Variants in NUP188 observed in about 807,000 individuals in gnomAD.
NUP188 encodes the protein nucleoporin NUP188.
In NUP188, 97 loss-of-function variants were observed where a neutral mutation model predicts 223.0. That is an observed-to-expected ratio of 0.43 (90% confidence interval 0.37 to 0.51). NUP188 has a LOEUF of 0.51. NUP188 is among the 20% of genes least tolerant of loss of function. The pLI is 0.00. For synonymous variants in NUP188, 869 were observed against 828.0 expected (o/e 1.05, Z -0.85); for missense variants, 1,947 against 2,175.6 (o/e 0.89, Z 2.09).
chr9:128,996,040 T>G lies in NUP188; in HGVS notation c.3351+526T>G, dbSNP rs1015092233. Among the ~76,000 whole-genome samples, 14 of 152,118 alleles carry G rather than the reference T, an allele frequency of 9.2e-5. No individual in the cohort carries two copies. In the East Asian group the frequency reaches 1.9e-3, roughly 21 times the overall value. ...GGGAGTTGGTTTTGAGAGAGAGAGA[T>G]AACATCTGGAAGAAATGCATTGTTC... On this transcript the variant is annotated intron_variant, in intron 30 of 43. Transcript: ENST00000372577.
chr9:128,994,105 T>C (rs1272350448), intron 27 of NUP188, among the ~76,000 whole-genome samples: 2 of 152,208 alleles, frequency 1.3e-5, no homozygotes, highest in Non-Finnish European at 2.9e-5. Context: ...TCCCTCCTCT[T>C]CTGTGGGGCT....
rs1367056873 is a variant in NUP188 at position 128,947,717 on chromosome 9, A to T, written c.-3A>T. ...CGGGGTTAGGGCGAGCGGGCGCGCGAAGATGGCGGCGGCCGCCGGCGGGCC... is the reference window on the plus strand; with the variant it reads ...CGGGGTTAGGGCGAGCGGGCGCGCGTAGATGGCGGCGGCCGCCGGCGGGCC... On this transcript the variant is annotated 5_prime_UTR_variant, in exon 1 of 44. Coordinates refer to ENST00000372577, the MANE Select transcript of NUP188 (RefSeq NM_015354.3). The T allele has an allele frequency of 6.8e-7, 1 of 1,472,080 alleles. No homozygotes were observed. The highest frequency in any genetic ancestry group is 2.4e-5 in the Admixed American group (1 of 41,218). 91.2% of individuals were successfully genotyped at this position (1,472,080 alleles called of 1,614,324 possible).
intron 12 of NUP188, among the ~76,000 whole-genome samples, chr9:128,974,392 T>G (rs112380970): frequency 0.035 from 5,159 of 147,680 alleles, 86 homozygotes; most frequent in Non-Finnish European, 0.056. Context: ...GGTTGTTGTT[T>G]TTTTTTTTTT....
chr9:128,955,243 C>G (rs1841852713), intron 3 of NUP188, among the ~76,000 whole-genome samples: 1 of 152,176 alleles, frequency 6.6e-6, no homozygotes. Flanking sequence ...GTTAAGGAGG[C>G]ATTTGCCAAG....
chr9:128,994,805 G>A, intron 28 of NUP188, 51 bp from the exon 29 acceptor site: 2 of 1,425,044 alleles, frequency 1.4e-6, no homozygotes, highest in Non-Finnish European at 2.0e-6. Flanking sequence ...ATATACTGGG[G>A]GAGATCAGTG....
In NUP188 at chr9:129,006,596, C is replaced by CCT; in HGVS notation, c.5176_5177dup (p.Lys1727ProfsTer11). 6.2e-7 allele frequency: 1 copy of CCT among 1,614,238 alleles called. No homozygotes were observed. Among genetic ancestry groups the CCT allele is most frequent in the Non-Finnish European group, 8.5e-7 (1 of 1,180,038 alleles). On this transcript the variant is annotated frameshift_variant, in exon 44 of 44. Transcript: ENST00000372577. LOFTEE classifies it high-confidence loss of function. Reference sequence around the variant, plus strand: ...CTCCCCTCGCCGCAGGGCAAGTCCACCTCTCTCTCCAAAGCCAGCCCTGAG... The same window carrying CCT: ...CTCCCCTCGCCGCAGGGCAAGTCCACCTCTCTCTCTCCAAAGCCAGCCCTGAG...
chr9:128,994,912 C>T lies in NUP188; in HGVS notation c.3144C>T (p.Tyr1048=). ...TGAAGATAATTTGCTTGGAGATATA[C>T]TATGTAGTAAAGTGAGTACTTTCCC... ...LIMKIICLEI[Y]YVVKGSLDQS... The change falls in exon 29 of 44, where the codon TAC becomes TAT. Residue 1048 remains tyrosine (Y), a synonymous_variant. Transcript: ENST00000372577. The T allele has an allele frequency of 6.2e-7, 1 of 1,611,518 alleles. No individual in the cohort carries two copies. Among genetic ancestry groups the T allele is most frequent in the Non-Finnish European group, 8.5e-7 (1 of 1,177,614 alleles).
chr9:128,980,419 C>T (rs1842238553), intron 13 of NUP188, among the ~76,000 whole-genome samples, 187 bp from the exon 14 acceptor site: 1 of 152,152 alleles, frequency 6.6e-6, no homozygotes, highest in Non-Finnish European at 1.5e-5. Flanking sequence ...TTTTAGGTCC[C>T]TCACTAAATC....
intron 20 of NUP188, chr9:128,985,357 C>T (rs1176598408): frequency 2.3e-5 from 4 of 171,966 alleles, no homozygotes; most frequent in African/African-American, 9.5e-5. Flanking sequence ...GTGTATATTC[C>T]TGAAGCAAAA....
At chr9:128,949,111 G>A in intron 1 of NUP188, 78 bp from the exon 2 acceptor site, 1 of 1,064,788 alleles carries the variant, frequency 9.4e-7, no homozygotes, top group Non-Finnish European at 1.4e-6. Flanking sequence ...TTAGAGAGCA[G>A]ACAAAATGGC....
intron 8 of NUP188, among the ~76,000 whole-genome samples, chr9:128,961,590 C>A (rs144846383): frequency 0.078 from 10,775 of 138,064 alleles, 509 homozygotes; most frequent in Middle Eastern, 0.21. Context: ...ATCTATCTAT[C>A]TAGATAGATA....
intron 30 of NUP188, among the ~76,000 whole-genome samples, chr9:128,996,894 A>G (rs1842536713): frequency 6.6e-6 from 1 of 152,232 alleles, no homozygotes; most frequent in South Asian, 2.1e-4. Flanking sequence ...TCTTAATGGC[A>G]TTAGTGGAAC....
In NUP188 at chr9:128,958,880, A is replaced by C. The variant is rs1226505421; in HGVS notation, c.451A>C (p.Arg151=). ...LHLLTYFQDE[R]HPYRVEYADC... ...CCTTCTCACTTACTTCCAAGATGAA[A>C]GACACCCCTATAGGGTAAGCTTGTT... The change falls in exon 7 of 44, where the codon AGA becomes CGA. Residue 151 remains arginine (R), a synonymous_variant. Transcript: ENST00000372577. 6.3e-7 allele frequency: 1 copy of C among 1,597,866 alleles called. No individual in the cohort carries two copies. The highest frequency in any genetic ancestry group is 8.6e-7 in the Non-Finnish European group (1 of 1,168,728).
intron 9 of NUP188, 84 bp downstream of exon 9, chr9:128,968,801 G>T (rs1378632974): frequency 9.4e-7 from 1 of 1,060,354 alleles, no homozygotes; most frequent in Non-Finnish European, 1.4e-6. Flanking sequence ...TAGGGGGTAG[G>T]TGTACTTTTC....
intron 3 of NUP188, among the ~76,000 whole-genome samples, chr9:128,953,462 C>T (rs995447020): frequency 2.0e-5 from 3 of 151,816 alleles, no homozygotes; most frequent in Non-Finnish European, 1.5e-5. Context: ...TCTAAGTCAC[C>T]CTCATTTCCC....
intron 1 of NUP188, 63 bp downstream of exon 1, chr9:128,947,814 CG>C (rs1564546885): frequency 1.5e-6 from 2 of 1,313,218 alleles, no homozygotes; most frequent in South Asian, 2.1e-5. Flanking sequence ...CGAGCGGAAG[CG>C]GGGCGGGAAT....
intron 13 of NUP188, among the ~76,000 whole-genome samples, chr9:128,980,068 G>T (rs893448586): frequency 6.6e-6 from 1 of 152,222 alleles, no homozygotes; most frequent in Admixed American, 6.5e-5. Context: ...GTTAGAGTGA[G>T]AATTTGGCTT....
At chr9:128,988,333 T>G (rs1419013231) in intron 24 of NUP188, 147 bp downstream of exon 24, 2 of 878,238 alleles carry the variant, frequency 2.3e-6, no homozygotes, top group Non-Finnish European at 3.6e-6. Context: ...CCAGCTCCTT[T>G]CCTGAAATTG....
At chr9:128,971,033 G>C in intron 11 of NUP188, 75 bp downstream of exon 11, 1 of 1,157,012 alleles carries the variant, frequency 8.6e-7, no homozygotes, top group Non-Finnish European at 1.3e-6. Context: ...TAGTTATAAT[G>C]GTGGTGTGGA....
Sources: gnomAD v4.1 joint callset for allele counts (sites outside exome capture counted in the v4.1 genomes callset) on GRCh38, gnomAD v4.1.1 for gene constraint, MANE v1.5 for transcripts, NCBI Gene and HGNC (gene_info 2026-07-23, HGNC 2026-07-21) for gene names.